The following CALN1 variants were observed in gnomAD, a reference collection of about 807,000 sequenced individuals.
CALN1 encodes calcium-binding protein 8.
In CALN1, 17 loss-of-function variants were observed where a neutral mutation model predicts 30.6. The ratio of observed to expected loss-of-function variants is 0.56; its 90% CI spans 0.38 to 0.83. CALN1 has a LOEUF of 0.83. Ranked by LOEUF, CALN1 falls within the 40% of genes least tolerant of loss-of-function variation. The pLI is 0.00. For missense variants in CALN1, 291 were observed against 354.9 expected, an observed-to-expected ratio of 0.82 and a Z score of 1.45; for synonymous variants, 156 against 131.4, an observed-to-expected ratio of 1.19 and a Z score of -1.28.
intron 5 of CALN1, among the ~76,000 whole-genome samples, chr7:71,855,965 C>T (rs527338711): frequency 5.3e-5 from 8 of 151,864 alleles, no homozygotes; most frequent in African/African-American, 1.5e-4. Flanking sequence ...TGTCTGTGTG[C>T]GTGCACATTA....
intron 5 of CALN1, among the ~76,000 whole-genome samples, chr7:72,001,835 G>C (rs1267864510): frequency 1.3e-5 from 2 of 152,144 alleles, no homozygotes; most frequent in Non-Finnish European, 2.9e-5. Flanking sequence ...TGTCAGGTAA[G>C]CATGTCTGGT....
intron 4 of CALN1, among the ~76,000 whole-genome samples, chr7:72,047,048 G>C (rs1802518267): frequency 6.6e-6 from 1 of 152,056 alleles, no homozygotes; most frequent in Non-Finnish European, 1.5e-5. Context: ...CTGGACAACA[G>C]AGTGAAACTG....
intron 3 of CALN1, among the ~76,000 whole-genome samples, chr7:72,257,135 G>A (rs943101578): frequency 6.6e-6 from 1 of 152,200 alleles, no homozygotes; most frequent in African/African-American, 2.4e-5. Context: ...AAGAGAGAGA[G>A]CGTGCACAGG....
At chr7:71,943,344 G>A (rs1796233933) in intron 5 of CALN1, among the ~76,000 whole-genome samples, 1 of 152,156 alleles carries the variant, frequency 6.6e-6, no homozygotes, top group Admixed American at 6.5e-5. Flanking sequence ...GCCTGGATTC[G>A]AGTCCTCACG....
intron 2 of CALN1, among the ~76,000 whole-genome samples, chr7:72,356,135 T>C (rs1018337956): frequency 1.3e-5 from 2 of 152,152 alleles, no homozygotes; most frequent in Non-Finnish European, 2.9e-5. Flanking sequence ...AAAATGATAA[T>C]TTAAAAGTTA....
intron 4 of CALN1, among the ~76,000 whole-genome samples, chr7:72,085,188 T>A (rs1013897168): frequency 1.3e-5 from 2 of 152,134 alleles, no homozygotes; most frequent in Non-Finnish European, 2.9e-5. Context: ...TCTGACATTA[T>A]CACAAGAAGA....
intron 5 of CALN1, among the ~76,000 whole-genome samples, chr7:71,884,819 T>C (rs1161647507): frequency 1.3e-5 from 2 of 152,222 alleles, no homozygotes. Context: ...AGTTGTTCTT[T>C]GTGGGGGAAA....
chr7:71,915,710 G>A (rs1022074458), intron 5 of CALN1, among the ~76,000 whole-genome samples: 18 of 151,854 alleles, frequency 1.2e-4, no homozygotes, highest in African/African-American at 3.9e-4. Flanking sequence ...CTCCAGCCCC[G>A]CAACAGAGCG....
rs982850998 is a variant in CALN1 at position 72,412,103 on chromosome 7, A to C, written c.-119T>G. On this transcript the variant is annotated 5_prime_UTR_variant, in exon 1 of 7. Coordinates refer to ENST00000395275, the MANE Select transcript of CALN1 (RefSeq NM_031468.4). The stretch of plus-strand genomic sequence containing the variant: ...TTCTGCTGGGTTGTTGGTCTCGCCG[A>C]CTTTAAGAATAAAACCACGGACCTC... 1 of 152,178 alleles carries C rather than the reference A, an allele frequency of 6.6e-6. No individual in the cohort carries two copies. Among genetic ancestry groups the C allele is most frequent in the African/African-American group, 2.4e-5 (1 of 41,300 alleles). The allele number at this position is 152,178 out of a possible 1,614,324, so 9.4% of individuals were successfully genotyped here.
upstream of CALN1, among the ~76,000 whole-genome samples, chr7:72,416,541 C>T (rs1276333563): frequency 6.6e-6 from 1 of 152,034 alleles, no homozygotes; most frequent in East Asian, 1.9e-4. Context: ...TCAAGACCAG[C>T]CTGGCCAACA....
chr7:72,107,046 G>A (rs1359124657), intron 3 of CALN1, among the ~76,000 whole-genome samples: 2 of 147,874 alleles, frequency 1.4e-5, no homozygotes, highest in Non-Finnish European at 3.0e-5. Flanking sequence ...AAGAAAGAAG[G>A]AGGAAGGGAG....
At chr7:72,148,332 C>T (rs1786933967) in intron 3 of CALN1, among the ~76,000 whole-genome samples, 1 of 150,442 alleles carries the variant, frequency 6.6e-6, no homozygotes, top group African/African-American at 2.4e-5. Flanking sequence ...CTTTGGGAGG[C>T]CGAGGTGGGA....
intron 1 of CALN1, among the ~76,000 whole-genome samples, chr7:72,418,622 C>A (rs558709498): frequency 1.7e-4 from 26 of 152,172 alleles, no homozygotes; most frequent in South Asian, 6.2e-4. Context: ...GCTTCCCCGC[C>A]CCGGCTCACA....
the CALN1 span, among the ~76,000 whole-genome samples, chr7:72,474,428 G>A: frequency 3.9e-5 from 6 of 152,144 alleles, no homozygotes; most frequent in African/African-American, 1.4e-4. Flanking sequence ...GCTCACACCT[G>A]TAATCCCGGC....
chr7:71,909,023 T>C (rs573081715), intron 5 of CALN1, among the ~76,000 whole-genome samples: 3 of 152,176 alleles, frequency 2.0e-5, no homozygotes, highest in East Asian at 1.9e-4. Flanking sequence ...GATTGATTGA[T>C]TGACTGACGG....
intron 5 of CALN1, among the ~76,000 whole-genome samples, chr7:71,888,512 G>A (rs1324719015): frequency 7.1e-6 from 1 of 141,628 alleles, no homozygotes; most frequent in Admixed American, 7.0e-5. Flanking sequence ...AAACAAAAAA[G>A]CAATGAATAC....
intron 3 of CALN1, among the ~76,000 whole-genome samples, chr7:72,231,735 C>T (rs1031060295): frequency 4.6e-5 from 7 of 152,152 alleles, no homozygotes; most frequent in African/African-American, 1.4e-4. Flanking sequence ...CAGTGCTATC[C>T]GTGATTTCAG....
intron 3 of CALN1, among the ~76,000 whole-genome samples, chr7:72,216,524 A>G (rs1792828134): frequency 6.6e-6 from 1 of 152,160 alleles, no homozygotes; most frequent in African/African-American, 2.4e-5. Context: ...GGTGCATCCC[A>G]AGCGTAAGGT....
At chr7:72,394,626 T>C (rs980303290) in intron 2 of CALN1, among the ~76,000 whole-genome samples, 4 of 151,494 alleles carry the variant, frequency 2.6e-5, no homozygotes, top group African/African-American at 9.7e-5. Context: ...GCTTATTTAA[T>C]CTGAGTGTAT....
Sources: gnomAD v4.1 joint callset for allele counts (sites outside exome capture counted in the v4.1 genomes callset) on GRCh38, gnomAD v4.1.1 for gene constraint, MANE v1.5 for transcripts, NCBI Gene and HGNC (gene_info 2026-07-23, HGNC 2026-07-21) for gene names.